The following C8A variants were observed in gnomAD, a reference collection of about 807,000 sequenced individuals.
The protein encoded by C8A is complement C8 alpha chain.
C8A carries 67 observed loss-of-function variants against 65.3 expected under a neutral mutation model. That is an observed-to-expected ratio of 1.03 (90% CI 0.84 to 1.26). C8A has a LOEUF of 1.26. Ranked by LOEUF, C8A falls within the 50% of genes most tolerant of loss-of-function variation. C8A has a pLI of 0.00. For synonymous variants in C8A, 290 were observed against 259.4 expected, an observed-to-expected ratio of 1.12 and a Z score of -1.13; for missense variants, 781 against 723.9, an observed-to-expected ratio of 1.08 and a Z score of -0.90.
chr1:56,878,383 A>G (rs1644217945), intron 4 of C8A, among the ~76,000 whole-genome samples: 1 of 152,230 alleles, frequency 6.6e-6, no homozygotes, highest in Non-Finnish European at 1.5e-5. Flanking sequence ...TAGAGTAAAC[A>G]ATAGAAGTGT....
intron 9 of C8A, among the ~76,000 whole-genome samples, chr1:56,909,962 G>T (rs1156991242): frequency 1.3e-5 from 2 of 152,210 alleles, no homozygotes; most frequent in African/African-American, 4.8e-5. Context: ...CCCCTGAGAA[G>T]TTCGGACTCA....
At position 56,881,482 on chromosome 1, in the gene C8A, T is replaced by C. The variant is rs376646572; in HGVS notation, c.502T>C (p.Tyr168His). ...GACCCAGGAAGATGCTCAGAGTGTG[T>C]ACGATGCCAGTTATTATGGGGGCCA... ...ILTQEDAQSV[Y>H]DASYYGGQCE... The change falls in exon 5 of 11, where the codon TAC (tyrosine) becomes CAC (histidine). Residue 168 changes from tyrosine to histidine, a missense_variant. Tyr to His is a moderately conservative substitution (Grantham distance 83). Transcript: ENST00000361249. 126 of 1,613,636 alleles carry C rather than the reference T, an allele frequency of 7.8e-5. No individual in the cohort carries two copies. The highest frequency in any genetic ancestry group is 1.0e-4 in the Non-Finnish European group (118 of 1,179,744).
At chr1:56,881,667 G>A in intron 5 of C8A, 33 bp downstream of exon 5, 2 of 1,586,624 alleles carry the variant, frequency 1.3e-6, no homozygotes, top group Non-Finnish European at 1.7e-6. Flanking sequence ...TGAGGCCACT[G>A]TGGTGTAGGT....
At chr1:56,910,507 A>T (rs1644497023) in intron 9 of C8A, among the ~76,000 whole-genome samples, 1 of 152,146 alleles carries the variant, frequency 6.6e-6, no homozygotes, top group Admixed American at 6.5e-5. Context: ...GGGGAACTGG[A>T]TGCAGAGCCC....
At chr1:56,881,195 C>T (rs917264637) in intron 4 of C8A, among the ~76,000 whole-genome samples, 10 of 152,190 alleles carry the variant, frequency 6.6e-5, no homozygotes, top group African/African-American at 2.2e-4. Context: ...CTTGTACCAG[C>T]TACAACATCT....
intron 4 of C8A, among the ~76,000 whole-genome samples, chr1:56,876,488 T>G (rs903408822): frequency 6.6e-6 from 1 of 151,900 alleles, no homozygotes; most frequent in Non-Finnish European, 1.5e-5. Context: ...AAGGCCCATT[T>G]AAGAAGCCAC....
At chr1:56,879,617 A>C (rs999623983) in intron 4 of C8A, among the ~76,000 whole-genome samples, 2 of 152,192 alleles carry the variant, frequency 1.3e-5, no homozygotes, top group African/African-American at 4.8e-5. Flanking sequence ...CTAGGAAAAA[A>C]TCCAGCTATG....
intron 7 of C8A, among the ~76,000 whole-genome samples, chr1:56,899,582 G>T (rs1644411499): frequency 6.6e-6 from 1 of 152,128 alleles, no homozygotes; most frequent in South Asian, 2.1e-4. Context: ...GGGTGCCCTT[G>T]TCCTCCCCAC....
intron 10 of C8A, among the ~76,000 whole-genome samples, chr1:56,914,137 A>G (rs1440923517): frequency 6.6e-6 from 1 of 152,204 alleles, no homozygotes; most frequent in Non-Finnish European, 1.5e-5. Context: ...AAGACTCAGA[A>G]AGGACAAGTC....
intron 6 of C8A, 53 bp from the exon 7 acceptor site, chr1:56,885,874 A>G: frequency 1.2e-6 from 2 of 1,612,254 alleles, no homozygotes; most frequent in East Asian, 2.2e-5. Flanking sequence ...TTCTAATGGT[A>G]AAATATATGC....
chr1:56,879,245 G>A (rs1407058886), intron 4 of C8A, among the ~76,000 whole-genome samples: 1 of 152,102 alleles, frequency 6.6e-6, no homozygotes, highest in African/African-American at 2.4e-5. Flanking sequence ...CCTATTGAAA[G>A]AGAATTAGAT....
At chr1:56,884,046 A>G (rs1461673020) in intron 6 of C8A, among the ~76,000 whole-genome samples, 2 of 151,730 alleles carry the variant, frequency 1.3e-5, no homozygotes, top group African/African-American at 4.9e-5. Flanking sequence ...CTTTTCCAAA[A>G]AGATAGAAGG....
intron 7 of C8A, among the ~76,000 whole-genome samples, chr1:56,898,160 T>C (rs1393784466): frequency 1.3e-5 from 2 of 152,050 alleles, no homozygotes; most frequent in Non-Finnish European, 2.9e-5. Flanking sequence ...CACTCAAAGG[T>C]TGGACTCGGT....
In C8A at chr1:56,906,730, A is replaced by G; in HGVS notation, c.1160A>G (p.Lys387Arg). The G allele has an allele frequency of 6.2e-7, 1 of 1,614,144 alleles. No homozygotes were observed. Among genetic ancestry groups the G allele is most frequent in the Non-Finnish European group, 8.5e-7 (1 of 1,179,982 alleles). ...GGSLGIQYED[K>R]INVGGGLSGD... ...TCCTTGGGCATTCAATATGAAGACA[A>G]AATAAATGTTGGTGGAGGTTTATCA... Residue 387 changes from lysine (K) to arginine (R), a missense_variant, in exon 8 of 11, where the codon AAA (lysine) becomes AGA (arginine). By Grantham distance (26) the Lys-to-Arg change is conservative. Transcript: ENST00000361249.
At chr1:56,885,629 G>A (rs112132683) in intron 6 of C8A, among the ~76,000 whole-genome samples, 5,881 of 146,234 alleles carry the variant, frequency 0.04, 396 homozygotes, top group African/African-American at 0.14. Context: ...TCGGCTCACC[G>A]CAACCTCTGA....
chr1:56,914,259 G>A (rs995913870), intron 10 of C8A, among the ~76,000 whole-genome samples: 2 of 152,068 alleles, frequency 1.3e-5, no homozygotes, highest in South Asian at 2.1e-4. Flanking sequence ...GCTTAATGAG[G>A]GAGGACTTTC....
intron 1 of C8A, among the ~76,000 whole-genome samples, chr1:56,857,171 T>G (rs1643984895): frequency 6.6e-6 from 1 of 152,076 alleles, no homozygotes; most frequent in Admixed American, 6.5e-5. Context: ...GTTGTTAATG[T>G]CACTCAAGTT....
chr1:56,869,262 A>G (rs1283454524), intron 2 of C8A, among the ~76,000 whole-genome samples: 3 of 152,186 alleles, frequency 2.0e-5, no homozygotes. Flanking sequence ...AAGTGAGAAG[A>G]TGTGATACTT....
At chr1:56,915,736 C>G (rs1421512817) in intron 10 of C8A, among the ~76,000 whole-genome samples, 2 of 152,178 alleles carry the variant, frequency 1.3e-5, no homozygotes, top group Non-Finnish European at 2.9e-5. Flanking sequence ...ATAATTTGCT[C>G]AAGGTCACCT....
Sources: gnomAD v4.1 joint callset for allele counts (sites outside exome capture counted in the v4.1 genomes callset) on GRCh38, gnomAD v4.1.1 for gene constraint, MANE v1.5 for transcripts, NCBI Gene and HGNC (gene_info 2026-07-23, HGNC 2026-07-21) for gene names.